The following STRA6 variants were observed in gnomAD, a reference collection of about 807,000 sequenced individuals.
STRA6 encodes the protein receptor for retinol uptake STRA6.
A neutral mutation model predicts 83.6 loss-of-function variants in STRA6; 48 were observed. That is an observed-to-expected ratio of 0.57 (90% CI 0.46 to 0.73). The LOEUF (loss-of-function observed/expected upper bound fraction) is 0.73. Among genes scored for constraint, STRA6 ranks in the 30% least tolerant of loss-of-function variants. The pLI is 0.00. For synonymous variants in STRA6, 353 were observed against 362.3 expected, an observed-to-expected ratio of 0.97 and a Z score of 0.29; for missense variants, 760 against 838.8, an observed-to-expected ratio of 0.91 and a Z score of 1.16.
rs759277615 is a variant in STRA6, at chr15:74,189,221, C to T, written c.984G>A (p.Gly328=). The change falls in exon 12 of 19, where the codon GGG becomes GGA. Residue 328 remains glycine (G), a synonymous_variant. Coordinates refer to ENST00000395105, the MANE Select transcript of STRA6 (RefSeq NM_022369.4). ...GCAGGTAGGAGACATCCGTGGTGAC[C>T]CCTGCCCTCACCTTCTGGATAGTGG... ...VVPTIQKVRA[G]VTTDVSYLLA... is the part of the protein sequence containing the mutation. 4 of 1,611,770 alleles carry T rather than the reference C, an allele frequency of 2.5e-6. No individual in the cohort carries two copies. The highest frequency in any genetic ancestry group is 1.3e-5 in the African/African-American group (1 of 74,916).
intron 2 of STRA6, among the ~76,000 whole-genome samples, chr15:74,201,197 AG>A (rs2074041695): frequency 6.6e-6 from 1 of 152,124 alleles, no homozygotes; most frequent in Admixed American, 6.5e-5. Flanking sequence ...GGATGACCCA[AG>A]CCCAGCCAGG....
chr15:74,191,589 C>A (rs2073542453), intron 8 of STRA6, 98 bp from the exon 9 acceptor site: 1 of 1,068,724 alleles, frequency 9.4e-7, no homozygotes, highest in South Asian at 1.3e-5. Context: ...AGCAGGTGCT[C>A]CATAAAAACC....
chr15:74,192,331 G>A (rs1164838342), intron 8 of STRA6, among the ~76,000 whole-genome samples: 1 of 152,190 alleles, frequency 6.6e-6, no homozygotes, highest in Non-Finnish European at 1.5e-5. Context: ...CTGTAAACAG[G>A]AGGGGACACA....
intron 7 of STRA6, chr15:74,194,378 A>T: frequency 6.6e-6 from 7 of 1,061,714 alleles, no homozygotes; most frequent in Non-Finnish European, 8.0e-6. Context: ...TTGTATACTC[A>T]TTCATTTATT....
At chr15:74,183,756 CTG>C in intron 14 of STRA6, 98 bp downstream of exon 14, 1 of 1,604,894 alleles carries the variant, frequency 6.2e-7, no homozygotes, top group Non-Finnish European at 8.5e-7. Flanking sequence ...CAGACAAACT[CTG>C]AGGGCAGTAC....
Position 74,195,741 on chromosome 15 carries a change from T to C in STRA6, c.407-66A>G, listed in dbSNP as rs183945504. 997 of 946,062 alleles carry C rather than the reference T, an allele frequency of 1.1e-3. 4 individuals carry two copies. Among genetic ancestry groups the C allele is most frequent in the Non-Finnish European group, 9.6e-4 (585 of 606,656 alleles). 58.6% of individuals were successfully genotyped at this position (946,062 alleles called of 1,614,324 possible). ...AATGAGAAGGTGGATATATAATGCT[T>C]AGCATGGTGCCTGAGCAAATACTCA... On this transcript the variant is annotated intron_variant, in intron 5 of 18. Transcript: ENST00000395105.
chr15:74,203,448 G>A (rs1291818967), upstream of STRA6, among the ~76,000 whole-genome samples: 1 of 152,202 alleles, frequency 6.6e-6, no homozygotes, highest in East Asian at 1.9e-4. Context: ...AGGGGCGAGA[G>A]GCAGAAGAAG....
chr15:74,190,948 C>T (rs1176697622), intron 10 of STRA6, 47 bp from the exon 11 acceptor site: 23 of 1,612,528 alleles, frequency 1.4e-5, no homozygotes, highest in Non-Finnish European at 1.9e-5. Flanking sequence ...CCACTCAGGC[C>T]CGGGAGCCCT....
Position 74,181,398 on chromosome 15 carries a change from C to T in STRA6, c.1581G>A (p.Met527Ile), listed in dbSNP as rs736118. The T allele has an allele frequency of 0.12, 187,428 of 1,613,538 alleles. 15,095 individuals carry two copies. The highest frequency in any genetic ancestry group is 0.34 in the East Asian group (15,222 of 44,798). ...LFPLNVLVGA[M>I]VATWRVLLSA... is the part of the protein sequence containing the mutation. The stretch of plus-strand genomic sequence containing the variant: ...AGAGGAGCACTCGCCAGGTGGCCAC[C>T]ATGGCACCCACCAGCACATTGAGGG... Residue 527 changes from methionine to isoleucine, a missense_variant, in exon 17 of 19, where the codon ATG becomes ATA. Met to Ile is a conservative substitution (Grantham distance 10, BLOSUM62 1). Transcript: ENST00000395105.
In STRA6 at chr15:74,201,402, G is replaced by A. The variant is rs557529979; in HGVS notation, c.113+753C>T. Among the ~76,000 whole-genome samples the A allele has an allele frequency of 2.0e-3, 310 of 152,288 alleles. 1 individual carries two copies. The highest frequency in any genetic ancestry group is 7.3e-3 in the African/African-American group (303 of 41,540). The stretch of plus-strand genomic sequence containing the variant: ...GGAACAACAGGGGAGAACTGGCTCT[G>A]GGTCCTACACAGGCAAGACATCCTG... On this transcript the variant is annotated intron_variant, in intron 2 of 18. Coordinates refer to ENST00000395105, the MANE Select transcript of STRA6 (RefSeq NM_022369.4).
upstream of STRA6, among the ~76,000 whole-genome samples, chr15:74,210,448 G>A (rs555360896): frequency 2.4e-4 from 37 of 152,222 alleles, no homozygotes; most frequent in East Asian, 2.1e-3. Flanking sequence ...TACATAAATC[G>A]TGATCTCATT....
At chr15:74,209,671 T>C, upstream of STRA6, 4 of 543,386 alleles carry the variant, frequency 7.4e-6, no homozygotes, top group South Asian at 7.6e-5. Flanking sequence ...CCAACGCTGC[T>C]GGACAGTCGG....
chr15:74,185,681 A>C (rs1171584416), intron 12 of STRA6, among the ~76,000 whole-genome samples: 1 of 152,200 alleles, frequency 6.6e-6, no homozygotes, highest in African/African-American at 2.4e-5. Context: ...GGTGTTTAAG[A>C]ATTTCAGGGG....
In STRA6 at chr15:74,202,723, G is replaced by GCC. The variant is rs2074137158; in HGVS notation, c.-28_-27dup. The GCC allele has an allele frequency of 1.6e-6, 2 of 1,253,108 alleles. No homozygotes were observed. Among genetic ancestry groups the GCC allele is most frequent in the Non-Finnish European group, 2.0e-6 (2 of 1,001,042 alleles). The allele number at this position is 1,253,108 out of a possible 1,614,324, so 77.6% of individuals were successfully genotyped here. On this transcript the variant is annotated 5_prime_UTR_variant, in exon 1 of 19. Transcript: ENST00000395105. ...GACCCACAGACACACCAGAAGGGAG[G>GCC]CCCAGGGAGGAAGGAGTTGCAGAGA...
At position 74,188,550 on chromosome 15, in the gene STRA6, T is replaced by C. The variant is rs1457536965; in HGVS notation, c.1090+565A>G. On this transcript the variant is annotated intron_variant, in intron 12 of 18. Coordinates refer to ENST00000395105, the MANE Select transcript of STRA6 (RefSeq NM_022369.4). The surrounding 1 kb of genome is among the most constrained non-coding windows in gnomAD (Gnocchi z 4.5). ...TTCTCAGTCCCCTCCACAGCGCTGTTGGGAGCGCCCAGGAGGCAGAGTAAG... is the reference window on the plus strand; with the variant it reads ...TTCTCAGTCCCCTCCACAGCGCTGTCGGGAGCGCCCAGGAGGCAGAGTAAG... Among the ~76,000 whole-genome samples the C allele has an allele frequency of 6.6e-6, 1 of 152,110 alleles. No homozygotes were observed. Among genetic ancestry groups the C allele is most frequent in the Non-Finnish European group, 1.5e-5 (1 of 68,014 alleles).
chr15:74,198,798 G>A (rs2073934013), intron 2 of STRA6, among the ~76,000 whole-genome samples: 1 of 152,210 alleles, frequency 6.6e-6, no homozygotes, highest in Non-Finnish European at 1.5e-5. Flanking sequence ...ATTCCACAGA[G>A]GCTCCCTATG....
intron 2 of STRA6, among the ~76,000 whole-genome samples, chr15:74,200,043 CCT>C (rs1451946053): frequency 6.6e-6 from 1 of 151,912 alleles, no homozygotes; most frequent in Admixed American, 6.5e-5. Context: ...ATGATGAAAC[CCT>C]GTCTCCACTA....
upstream of STRA6, among the ~76,000 whole-genome samples, chr15:74,207,045 G>A (rs1335822813): frequency 5.3e-5 from 8 of 152,230 alleles, no homozygotes; most frequent in Non-Finnish European, 8.8e-5. Flanking sequence ...TATGCCCCTC[G>A]GGTTGGAGCT....
chr15:74,210,804 G>A (rs964353989), upstream of STRA6, among the ~76,000 whole-genome samples: 41 of 152,174 alleles, frequency 2.7e-4, no homozygotes, highest in African/African-American at 9.4e-4. Context: ...TGGAAAAAGA[G>A]TGTTGAGCAC....
Sources: gnomAD v4.1 joint callset for allele counts (sites outside exome capture counted in the v4.1 genomes callset) on GRCh38, gnomAD v4.1.1 for gene constraint, Gnocchi (gnomAD v3.1) non-coding constraint, MANE v1.5 for transcripts, NCBI Gene and HGNC (gene_info 2026-07-23, HGNC 2026-07-21) for gene names.